The following CADM3 variants were observed in gnomAD, a reference collection of about 807,000 sequenced individuals.
The protein encoded by CADM3 is TSLC1-like 1.
CADM3 carries 11 observed loss-of-function variants against 44.9 expected under a neutral mutation model. The ratio of observed to expected loss-of-function variants is 0.25; its 90% CI spans 0.15 to 0.41. The LOEUF (loss-of-function observed/expected upper bound fraction) is 0.41. Ranked by LOEUF, CADM3 falls within the 10% of genes least tolerant of loss-of-function variation. CADM3 has a pLI of 1.00. For synonymous variants in CADM3, 207 were observed against 205.2 expected (o/e 1.01, Z -0.08); for missense variants, 426 against 512.0 (o/e 0.83, Z 1.62).
chr1:159,193,519 C>A lies in CADM3; in HGVS notation c.479C>A (p.Ala160Glu). ...TGTCAGTCTTCTGGGAGCAAGCCTG[C>A]AGCCCGGCTCACCTGGAGAAAGGGT... ...LNCQSSGSKPAARLTWRKGDQ... is the reference protein window; with the variant it reads ...LNCQSSGSKPEARLTWRKGDQ... Residue 160 changes from alanine (A) to glutamate (E), a missense_variant, in exon 4 of 9, where the codon GCA becomes GAA. This residue lies in a region of CADM3 where 362 missense variants were observed against 474.6 expected (regional missense o/e 0.76). Transcript: ENST00000368125. The A allele has an allele frequency of 6.2e-7, 1 of 1,614,166 alleles. No homozygotes were observed. Among genetic ancestry groups the A allele is most frequent in the Admixed American group, 1.7e-5 (1 of 60,022 alleles).
intron 1 of CADM3, among the ~76,000 whole-genome samples, chr1:159,191,451 A>C (rs1282536205): frequency 6.6e-6 from 1 of 152,238 alleles, no homozygotes; most frequent in Admixed American, 6.5e-5. Context: ...TGTGCAATCC[A>C]AGAGCTGGTT....
In CADM3 at chr1:159,171,917, G is replaced by T. The variant is rs552196782; in HGVS notation, c.88+64G>T. The T allele has an allele frequency of 1.5e-4, 161 of 1,107,342 alleles. 1 individual carries two copies. The African/African-American group carries it at 2.3e-3, about 16-fold the overall frequency. 68.6% of individuals were successfully genotyped at this position (1,107,342 alleles called of 1,614,324 possible). A position where few individuals can be genotyped will look rare whatever the true frequency, so the allele number is the denominator to read the frequency against. The stretch of plus-strand genomic sequence containing the variant: ...GTGACCCGAGGCGGGGGCTGGGATC[G>T]GGAGTCTCGCGGAAGGAGCCTGTTG... On this transcript the variant is annotated intron_variant, in intron 1 of 8. Coordinates refer to ENST00000368125, the MANE Select transcript of CADM3 (RefSeq NM_001127173.3).
chr1:159,184,783 A>G (rs1383162990), intron 1 of CADM3, among the ~76,000 whole-genome samples: 1 of 152,244 alleles, frequency 6.6e-6, no homozygotes, highest in African/African-American at 2.4e-5. Context: ...TTCAATAAAT[A>G]TTTATTGAGC....
chr1:159,199,423 A>AGGAG (rs1650055946), intron 7 of CADM3, among the ~76,000 whole-genome samples: 1 of 149,974 alleles, frequency 6.7e-6, no homozygotes, highest in Non-Finnish European at 1.5e-5. Context: ...GAAGGAAGGA[A>AGGAG]GGAAGAAATG....
intron 1 of CADM3, among the ~76,000 whole-genome samples, chr1:159,180,408 A>G (rs1193403761): frequency 6.6e-6 from 1 of 152,184 alleles, no homozygotes; most frequent in Non-Finnish European, 1.5e-5. Flanking sequence ...GAGACACTCA[A>G]TGGAGATTTA....
At chr1:159,197,467 C>T (rs766162129) in intron 7 of CADM3, 3 of 168,630 alleles carry the variant, frequency 1.8e-5, no homozygotes, top group Non-Finnish European at 3.8e-5. Flanking sequence ...TGGGTGCATG[C>T]AACTGCTGTC....
chr1:159,197,238 A>T (rs1269010672), intron 7 of CADM3, 178 bp downstream of exon 7: 1 of 587,234 alleles, frequency 1.7e-6, no homozygotes. Flanking sequence ...AGAATGTGTA[A>T]TGGCCGCTTA....
intron 1 of CADM3, among the ~76,000 whole-genome samples, chr1:159,178,231 C>T (rs1649099463): frequency 6.6e-6 from 1 of 152,046 alleles, no homozygotes; most frequent in East Asian, 1.9e-4. Context: ...GAGGTGGAAC[C>T]CATGTATATG....
At chr1:159,172,569 G>A (rs1648858050) in intron 1 of CADM3, among the ~76,000 whole-genome samples, 1 of 152,124 alleles carries the variant, frequency 6.6e-6, no homozygotes, top group Non-Finnish European at 1.5e-5. Context: ...AGGCGGGGTG[G>A]GGGTAGGGGG....
chr1:159,175,856 T>C (rs140960643), intron 1 of CADM3, among the ~76,000 whole-genome samples: 1 of 152,226 alleles, frequency 6.6e-6, no homozygotes, highest in African/African-American at 2.4e-5. Context: ...GGCGTTCTGG[T>C]TACTTTGAAA....
chr1:159,194,147 T>G (rs533979585), intron 5 of CADM3, 107 bp downstream of exon 5: 1 of 1,221,634 alleles, frequency 8.2e-7, no homozygotes. Context: ...GTTAAGTGAA[T>G]AGGTAAAAAA....
At chr1:159,185,004 G>A (rs1262661913) in intron 1 of CADM3, among the ~76,000 whole-genome samples, 2 of 152,244 alleles carry the variant, frequency 1.3e-5, no homozygotes, top group Non-Finnish European at 2.9e-5. Context: ...TAAAGCAAGA[G>A]TTAAGAAACC....
At chr1:159,200,765 A>T in intron 8 of CADM3, 39 bp from the exon 9 acceptor site, 1 of 1,482,014 alleles carries the variant, frequency 6.7e-7, no homozygotes. Flanking sequence ...AGAGGTTGGG[A>T]AGCTGCTCCT....
chr1:159,188,913 G>T (rs935904131), intron 1 of CADM3, among the ~76,000 whole-genome samples: 1 of 152,178 alleles, frequency 6.6e-6, no homozygotes, highest in African/African-American at 2.4e-5. Context: ...CAAGAAAGGC[G>T]TTAGGAGCCA....
At chr1:159,181,932 C>T (rs1383154765) in intron 1 of CADM3, among the ~76,000 whole-genome samples, 1 of 152,144 alleles carries the variant, frequency 6.6e-6, no homozygotes, top group South Asian at 2.1e-4. Flanking sequence ...CTCTCCAGCT[C>T]AAGAATAGGA....
At chr1:159,185,747 T>C (rs1217526991) in intron 1 of CADM3, among the ~76,000 whole-genome samples, 1 of 152,218 alleles carries the variant, frequency 6.6e-6, no homozygotes, top group East Asian at 1.9e-4. Flanking sequence ...ATTTCCTCTC[T>C]ACCGGCAGAT....
chr1:159,178,092 C>A (rs1649093371), intron 1 of CADM3, among the ~76,000 whole-genome samples: 1 of 152,144 alleles, frequency 6.6e-6, no homozygotes, highest in Admixed American at 6.5e-5. Context: ...CATATACAAT[C>A]TAAATGCTAT....
At chr1:159,181,765 C>T (rs531223228) in intron 1 of CADM3, among the ~76,000 whole-genome samples, 2 of 152,286 alleles carry the variant, frequency 1.3e-5, no homozygotes, top group Admixed American at 6.5e-5. Flanking sequence ...TGCTAATGCA[C>T]CAAGAACACT....
At chr1:159,199,045 A>G (rs1366832232) in intron 7 of CADM3, among the ~76,000 whole-genome samples, 1 of 152,124 alleles carries the variant, frequency 6.6e-6, no homozygotes, top group South Asian at 2.1e-4. Flanking sequence ...ACCTGCCACA[A>G]AGGAACAGTG....
Sources: gnomAD v4.1 joint callset for allele counts (sites outside exome capture counted in the v4.1 genomes callset) on GRCh38, gnomAD v4.1.1 for gene constraint, gnomAD v4.1.1 regional missense constraint, MANE v1.5 for transcripts, NCBI Gene and HGNC (gene_info 2026-07-23, HGNC 2026-07-21) for gene names.